FAM13A: variants seen among roughly 807,000 people sequenced by gnomAD.
The protein encoded by FAM13A is protein FAM13A.
Under a neutral mutation model 129.6 loss-of-function variants are expected in FAM13A, and 76 were observed. The ratio of observed to expected loss-of-function variants is 0.59; its 90% CI spans 0.49 to 0.71. The LOEUF (loss-of-function observed/expected upper bound fraction) is 0.71. Among genes scored for constraint, FAM13A ranks in the 30% least tolerant of loss-of-function variants. FAM13A has a pLI of 0.00. For missense variants in FAM13A, 1,108 were observed against 1,249.3 expected (o/e 0.89, Z 1.70); for synonymous variants, 443 against 449.9 (o/e 0.98, Z 0.20).
intron 6 of FAM13A, among the ~76,000 whole-genome samples, chr4:88,882,226 G>A (rs1411541574): frequency 2.0e-5 from 3 of 152,238 alleles, no homozygotes; most frequent in Non-Finnish European, 4.4e-5. Context: ...TAAGAGCTGT[G>A]AGGCAAAAGC....
At chr4:88,817,701 AG>A (rs1731050326) in intron 7 of FAM13A, among the ~76,000 whole-genome samples, 1 of 152,254 alleles carries the variant, frequency 6.6e-6, no homozygotes, top group Non-Finnish European at 1.5e-5. Flanking sequence ...AGGAAAAAAT[AG>A]GGTGAAAGCT....
intron 3 of FAM13A, among the ~76,000 whole-genome samples, chr4:89,010,299 G>A (rs1765567701): frequency 6.6e-6 from 1 of 152,078 alleles, no homozygotes; most frequent in Non-Finnish European, 1.5e-5. Context: ...GTTATCCCCA[G>A]GCTTTGTACC....
intron 5 of FAM13A, among the ~76,000 whole-genome samples, chr4:88,910,279 C>T (rs1217927542): frequency 6.6e-6 from 1 of 152,102 alleles, no homozygotes; most frequent in African/African-American, 2.4e-5. Flanking sequence ...ACAACACCTA[C>T]TTGCTTAAAC....
intron 7 of FAM13A, among the ~76,000 whole-genome samples, chr4:88,847,521 T>G (rs1010795095): frequency 2.0e-5 from 3 of 152,232 alleles, no homozygotes; most frequent in African/African-American, 7.2e-5. Flanking sequence ...GTTCCTTCTC[T>G]CCATAACCTC....
At chr4:89,032,886 C>T (rs991875534) in intron 1 of FAM13A, among the ~76,000 whole-genome samples, 7 of 152,210 alleles carry the variant, frequency 4.6e-5, no homozygotes, top group African/African-American at 1.4e-4. Flanking sequence ...CGGGAAACCA[C>T]TGAAGCTTGA....
rs1414059562 is a variant in FAM13A, at chr4:89,029,140, G to A, written c.217+320C>T. On this transcript the variant is annotated intron_variant, in intron 2 of 23. Transcript: ENST00000264344. ...TTACATTAAAAATTATTGACTATCA[G>A]TTGGAATTTAATTAATCTAGTAAAC... Among the ~76,000 whole-genome samples the A allele has an allele frequency of 2.0e-5, 3 of 152,102 alleles. No homozygotes were observed. The East Asian group carries it at 5.8e-4, about 29-fold the overall frequency.
Position 88,949,395 on chromosome 4 carries a change from T to TA in FAM13A, c.606-11155dup, listed in dbSNP as rs564422567. On this transcript the variant is annotated intron_variant, in intron 4 of 23. Coordinates refer to ENST00000264344, the MANE Select transcript of FAM13A (RefSeq NM_014883.4). ...ACTATGTCCTTAATTGATTTGCAATTAAAAAAATGCTGACACACTGGAACA... is the reference window on the plus strand; with the variant it reads ...ACTATGTCCTTAATTGATTTGCAATTAAAAAAAATGCTGACACACTGGAACA... Among the ~76,000 whole-genome samples, 3 of 152,172 alleles carry TA rather than the reference T, an allele frequency of 2.0e-5. No individual in the cohort carries two copies. The South Asian group carries it at 6.2e-4, about 32-fold the overall frequency.
chr4:88,952,750 C>A (rs1757136500), intron 4 of FAM13A, among the ~76,000 whole-genome samples: 1 of 151,968 alleles, frequency 6.6e-6, no homozygotes, highest in South Asian at 2.1e-4. Flanking sequence ...GAGTTCAAGA[C>A]CAGCCTGGCC....
At chr4:88,865,079 A>G (rs1309469376) in intron 6 of FAM13A, among the ~76,000 whole-genome samples, 1 of 152,224 alleles carries the variant, frequency 6.6e-6, no homozygotes, top group Non-Finnish European at 1.5e-5. Flanking sequence ...TACATGGATT[A>G]AGCAAATATG....
In FAM13A at chr4:88,906,267, G is replaced by T. The variant is rs111898317; in HGVS notation, c.843+112C>A. The T allele has an allele frequency of 1.3e-4, 101 of 767,228 alleles. No homozygotes were observed. In the East Asian group the frequency reaches 2.1e-3, roughly 16 times the overall value. The allele number at this position is 767,228 out of a possible 1,614,324, so 47.5% of individuals were successfully genotyped here. A position where few individuals can be genotyped will look rare whatever the true frequency, so the allele number is the denominator to read the frequency against. On this transcript the variant is annotated intron_variant, in intron 6 of 23. Transcript: ENST00000264344. ...TGCGCCACTGCACTCCAGCCTGGAC[G>T]ATAAAGCAAGACTCTGTCTCAAAAC...
intron 4 of FAM13A, chr4:88,990,496 G>C (rs913577527): frequency 2.0e-5 from 3 of 152,328 alleles, no homozygotes; most frequent in African/African-American, 7.2e-5. Flanking sequence ...CCTGTGGCTA[G>C]CAACAAAGAA....
At chr4:88,907,671 G>A (rs1198562456) in intron 5 of FAM13A, among the ~76,000 whole-genome samples, 1 of 152,122 alleles carries the variant, frequency 6.6e-6, no homozygotes, top group Non-Finnish European at 1.5e-5. Context: ...CACAATGCAG[G>A]CTTACAGAAG....
chr4:88,738,363 G>T (rs1367941705), intron 20 of FAM13A, among the ~76,000 whole-genome samples: 1 of 152,154 alleles, frequency 6.6e-6, no homozygotes, highest in East Asian at 1.9e-4. Flanking sequence ...TAAGCTGGGG[G>T]TGGAAACGCT....
At chr4:88,916,957 A>G (rs1359208023) in intron 5 of FAM13A, among the ~76,000 whole-genome samples, 4 of 152,316 alleles carry the variant, frequency 2.6e-5, no homozygotes, top group Non-Finnish European at 5.9e-5. Flanking sequence ...CTATTTTTAA[A>G]GCTCATAGAA....
intron 3 of FAM13A, among the ~76,000 whole-genome samples, chr4:89,008,006 GCATTT>G (rs1765270591): frequency 6.6e-6 from 1 of 151,748 alleles, no homozygotes; most frequent in Non-Finnish European, 1.5e-5. Flanking sequence ...TTTTTCCACA[GCATTT>G]CATTTATTTT....
chr4:88,834,356 T>C (rs909588274), intron 7 of FAM13A, among the ~76,000 whole-genome samples: 4 of 152,122 alleles, frequency 2.6e-5, no homozygotes, highest in Non-Finnish European at 5.9e-5. Flanking sequence ...TCATTGAATT[T>C]TGGTGAGGAA....
intron 6 of FAM13A, among the ~76,000 whole-genome samples, chr4:88,880,578 T>C (rs1411243307): frequency 6.6e-6 from 1 of 152,040 alleles, no homozygotes; most frequent in African/African-American, 2.4e-5. Context: ...AACGCAGAGT[T>C]TCCTGGACAG....
At chr4:88,817,380 T>C (rs1159127450) in intron 7 of FAM13A, among the ~76,000 whole-genome samples, 1 of 152,010 alleles carries the variant, frequency 6.6e-6, no homozygotes, top group East Asian at 1.9e-4. Flanking sequence ...CTGGCCAACA[T>C]GGTGAAACCT....
At chr4:88,945,990 G>GTGTGTGTGTGTATA in intron 4 of FAM13A, among the ~76,000 whole-genome samples, 27 of 61,936 alleles carry the variant, frequency 4.4e-4, no homozygotes, top group South Asian at 6.1e-4. Context: ...GTGTGTGTGT[G>GTGTGTGTGTGTATA]TATATATATA....
Sources: allele counts gnomAD v4.1 joint callset (sites outside exome capture counted in the v4.1 genomes callset), GRCh38; gene constraint gnomAD v4.1.1; transcripts MANE v1.5; gene names NCBI Gene and HGNC (gene_info 2026-07-23, HGNC 2026-07-21).